Variants in PFKFB3 observed in about 807,000 individuals in gnomAD.
PFKFB3 encodes the protein 6-phosphofructo-2-kinase/fructose-2,6-biphosphatase 3, also known as 6-phosphofructo-2-kinase/fructose-2,6-bisphosphatase 3.
PFKFB3 carries 33 observed loss-of-function variants against 68.0 expected under a neutral mutation model. That is an observed-to-expected ratio of 0.49 (90% CI 0.37 to 0.65). The LOEUF (loss-of-function observed/expected upper bound fraction) is 0.65. Among genes scored for constraint, PFKFB3 ranks in the 30% least tolerant of loss-of-function variants. The pLI is 0.00. For synonymous variants in PFKFB3, 315 were observed against 288.2 expected (o/e 1.09, Z -0.94); for missense variants, 586 against 712.2 (o/e 0.82, Z 2.02).
At chr10:6,245,253 T>A (rs1003090599) in intron 14 of PFKFB3, among the ~76,000 whole-genome samples, 1 of 150,522 alleles carries the variant, frequency 6.6e-6, no homozygotes, top group Non-Finnish European at 1.5e-5. Context: ...TACGCCACCA[T>A]GCCTGGCTAA....
chr10:6,306,449 C>G, the PFKFB3 span, among the ~76,000 whole-genome samples: 1 of 152,220 alleles, frequency 6.6e-6, no homozygotes, highest in Admixed American at 6.5e-5. Context: ...TCTTCAGCCT[C>G]TCTCTGGGTT....
At chr10:6,301,718 T>G in the PFKFB3 span, among the ~76,000 whole-genome samples, 3 of 152,226 alleles carry the variant, frequency 2.0e-5, no homozygotes, top group East Asian at 5.8e-4. Flanking sequence ...GATCGCCAAG[T>G]GTGATGGAGG....
chr10:6,193,643 G>T (rs893732033), intron 1 of PFKFB3, among the ~76,000 whole-genome samples: 8 of 152,212 alleles, frequency 5.3e-5, no homozygotes, highest in Admixed American at 4.6e-4. Context: ...GGTGCAGGCG[G>T]GCTGAGTCCA....
intron 3 of PFKFB3, 102 bp from the exon 4 acceptor site, chr10:6,216,023 A>G: frequency 1.9e-6 from 2 of 1,055,602 alleles, no homozygotes; most frequent in Non-Finnish European, 3.0e-6. Flanking sequence ...TGTAGAATGG[A>G]ACCACCAGTT....
intron 14 of PFKFB3, among the ~76,000 whole-genome samples, chr10:6,232,283 G>C (rs117916904): frequency 3.9e-3 from 587 of 152,182 alleles, no homozygotes; most frequent in Non-Finnish European, 5.2e-3. Context: ...GTACTGGCCA[G>C]TGCCTTAGGG....
At position 6,234,158 on chromosome 10, in the gene PFKFB3, G is replaced by A. The variant is rs1183813756; in HGVS notation, c.*1216G>A. Reference sequence around the variant, plus strand: ...CATTGCCTCAAACCCTGGGGTAGGTGGGACGGGGGGTCTCGTGCCCAGATG... The same window carrying A: ...CATTGCCTCAAACCCTGGGGTAGGTAGGACGGGGGGTCTCGTGCCCAGATG... On this transcript the variant is annotated 3_prime_UTR_variant, in exon 15 of 15. Coordinates refer to ENST00000379775, the MANE Select transcript of PFKFB3 (RefSeq NM_004566.4). 6.6e-6 allele frequency: 1 copy of A among 152,476 alleles called. No individual in the cohort carries two copies. Among genetic ancestry groups the A allele is most frequent in the Non-Finnish European group, 1.5e-5 (1 of 68,122 alleles). The allele number at this position is 152,476 out of a possible 1,614,324, so 9.4% of individuals were successfully genotyped here.
At chr10:6,278,980 T>C in the PFKFB3 span, among the ~76,000 whole-genome samples, 174 of 152,356 alleles carry the variant, frequency 1.1e-3, no homozygotes, top group Non-Finnish European at 1.7e-3. Flanking sequence ...ACTGCTGTTA[T>C]AGGGCTGCGG....
chr10:6,175,093 C>T (rs750463658), intron 1 of PFKFB3, among the ~76,000 whole-genome samples: 13 of 152,182 alleles, frequency 8.5e-5, no homozygotes, highest in Admixed American at 3.3e-4. Context: ...GGGTTACAGG[C>T]GTGAGCCAGT....
At chr10:6,177,382 T>TTCTC (rs1842512869) in intron 1 of PFKFB3, among the ~76,000 whole-genome samples, 1 of 111,846 alleles carries the variant, frequency 8.9e-6, no homozygotes, top group South Asian at 3.7e-4. Flanking sequence ...CTTTCTTTCT[T>TTCTC]TCTTTCTTTC....
At chr10:6,188,071 ACGTGTG>A (rs1842923330) in intron 1 of PFKFB3, among the ~76,000 whole-genome samples, 1 of 151,652 alleles carries the variant, frequency 6.6e-6, no homozygotes, top group African/African-American at 2.4e-5. Flanking sequence ...ATATGTGTGT[ACGTGTG>A]CGTGTGTGTG....
At chr10:6,263,864 T>G in the PFKFB3 span, among the ~76,000 whole-genome samples, 2 of 152,154 alleles carry the variant, frequency 1.3e-5, no homozygotes, top group African/African-American at 4.8e-5. Context: ...TTTTATATTT[T>G]TAGTAGAGAT....
At chr10:6,307,793 A>G in the PFKFB3 span, among the ~76,000 whole-genome samples, 1 of 152,158 alleles carries the variant, frequency 6.6e-6, no homozygotes, top group Non-Finnish European at 1.5e-5. Context: ...CCCAAAGTTC[A>G]TGTGTTGGAA....
intron 1 of PFKFB3, among the ~76,000 whole-genome samples, chr10:6,186,378 T>C (rs573260801): frequency 6.6e-6 from 1 of 152,284 alleles, no homozygotes; most frequent in South Asian, 2.1e-4. Context: ...AATAACTTTT[T>C]CTGAAACTGG....
chr10:6,159,550 G>C (rs34797495), intron 1 of PFKFB3, among the ~76,000 whole-genome samples: 59,831 of 151,244 alleles, frequency 0.4, 13,266 homozygotes, highest in Non-Finnish European at 0.51. Context: ...AAATTAGCTG[G>C]GTGTGGTGGT....
chr10:6,315,136 C>T, the PFKFB3 span, among the ~76,000 whole-genome samples: 1 of 152,210 alleles, frequency 6.6e-6, no homozygotes, highest in South Asian at 2.1e-4. Context: ...AGGAATGAAA[C>T]TGCCCTGACT....
chr10:6,291,773 C>T, the PFKFB3 span, among the ~76,000 whole-genome samples: 21 of 151,922 alleles, frequency 1.4e-4, no homozygotes, highest in Non-Finnish European at 4.4e-5. Context: ...CCACATTTTG[C>T]GTTTTAGAAA....
At chr10:6,214,081 C>G (rs1844405384) in intron 2 of PFKFB3, among the ~76,000 whole-genome samples, 1 of 152,220 alleles carries the variant, frequency 6.6e-6, no homozygotes, top group African/African-American at 2.4e-5. Context: ...GCTGATAGCC[C>G]TAAGCACTGC....
chr10:6,166,395 A>G (rs570398639), intron 1 of PFKFB3, among the ~76,000 whole-genome samples: 1 of 145,584 alleles, frequency 6.9e-6, no homozygotes, highest in South Asian at 2.2e-4. Flanking sequence ...CCGGCTTAGT[A>G]TTTTTTTTTT....
At chr10:6,144,968 G>A in exon 1 of PFKFB3, 2 of 1,282,634 alleles carry the variant, frequency 1.6e-6, no homozygotes, top group South Asian at 2.5e-5. Flanking sequence ...GGTGTCGCGG[G>A]CCGGCCCCGC....
Sources: allele counts gnomAD v4.1 joint callset (sites outside exome capture counted in the v4.1 genomes callset), GRCh38; gene constraint gnomAD v4.1.1; transcripts MANE v1.5; gene names NCBI Gene and HGNC (gene_info 2026-07-23, HGNC 2026-07-21).